DCLK2: variants seen among roughly 807,000 people sequenced by gnomAD.
DCLK2 encodes serine/threonine-protein kinase DCLK2.
A neutral mutation model predicts 78.4 loss-of-function variants in DCLK2; 31 were observed. That is an observed-to-expected ratio of 0.40 (90% CI 0.30 to 0.53). The LOEUF is 0.53. Ranked by LOEUF, DCLK2 falls within the 20% of genes least tolerant of loss-of-function variation. DCLK2 has a pLI of 0.61. For missense variants in DCLK2, 872 were observed against 973.7 expected (o/e 0.90, Z 1.39); for synonymous variants, 407 against 374.9 (o/e 1.09, Z -0.99).
intron 8 of DCLK2, among the ~76,000 whole-genome samples, chr4:150,226,294 C>G (rs1741602559): frequency 6.6e-6 from 1 of 151,012 alleles, no homozygotes; most frequent in Non-Finnish European, 1.5e-5. Flanking sequence ...GTGCAAAATG[C>G]CCCTTTTCCT....
intron 5 of DCLK2, among the ~76,000 whole-genome samples, chr4:150,211,276 A>G (rs1318136363): frequency 2.6e-5 from 4 of 152,174 alleles, no homozygotes; most frequent in Non-Finnish European, 4.4e-5. Flanking sequence ...GAGTTTCCTC[A>G]GAACACAGCA....
intron 2 of DCLK2, among the ~76,000 whole-genome samples, chr4:150,134,529 A>G (rs1733558468): frequency 6.6e-6 from 1 of 152,138 alleles, no homozygotes; most frequent in Admixed American, 6.5e-5. Flanking sequence ...GTTTATTTTT[A>G]TTTTTTATGT....
intron 2 of DCLK2, among the ~76,000 whole-genome samples, chr4:150,135,135 G>GA (rs148088570): frequency 4.9e-5 from 7 of 141,892 alleles, no homozygotes; most frequent in African/African-American, 1.6e-4. Flanking sequence ...TGGAGCAGTG[G>GA]AAAAAAAACA....
chr4:150,148,147 T>G (rs55652302), intron 2 of DCLK2, among the ~76,000 whole-genome samples: 42,863 of 152,002 alleles, frequency 0.28, 7,345 homozygotes, highest in South Asian at 0.51. Context: ...GTGGGTAGAT[T>G]GAGCTCCGTA....
intron 2 of DCLK2, among the ~76,000 whole-genome samples, chr4:150,108,793 G>C (rs1176178237): frequency 6.6e-6 from 1 of 152,076 alleles, no homozygotes; most frequent in Non-Finnish European, 1.5e-5. Context: ...AGAAACAGCA[G>C]AGTTTCAACA....
chr4:150,127,867 C>T (rs141582171), intron 2 of DCLK2, among the ~76,000 whole-genome samples: 1 of 152,302 alleles, frequency 6.6e-6, no homozygotes, highest in Non-Finnish European at 1.5e-5. Flanking sequence ...AGAACATTAG[C>T]CTCCACATTC....
chr4:150,102,681 A>C lies in DCLK2; in HGVS notation c.625A>C (p.Arg209=). Residue 209 remains arginine (R), a synonymous_variant, in exon 2 of 16, where the codon AGA becomes CGA. Transcript: ENST00000296550. ...TGTGATTCGAAGTGGAGTGAAGCCT[A>C]GAAAAGCCGTGCGGATCCTTCTGAA... ...VTVIRSGVKP[R]KAVRILLNKK... 1 of 1,614,116 alleles carries C rather than the reference A, an allele frequency of 6.2e-7. No homozygotes were observed. Among genetic ancestry groups the C allele is most frequent in the Non-Finnish European group, 8.5e-7 (1 of 1,179,988 alleles).
Position 150,159,836 on chromosome 4 carries a change from A to G in DCLK2, c.757-33302A>G, listed in dbSNP as rs575760786. On this transcript the variant is annotated intron_variant, in intron 2 of 15. Coordinates refer to ENST00000296550, the MANE Select transcript of DCLK2 (RefSeq NM_001040260.4). Reference sequence around the variant, plus strand: ...GGTGGTCGAGAGAACACGTTTTCATATGTTCCGCTTTGCTAGAACAGGAAT... The same window carrying G: ...GGTGGTCGAGAGAACACGTTTTCATGTGTTCCGCTTTGCTAGAACAGGAAT... Among the ~76,000 whole-genome samples, 69 of 152,252 alleles carry G rather than the reference A, an allele frequency of 4.5e-4. No individual in the cohort carries two copies. The South Asian group carries it at 7.7e-3, about 17-fold the overall frequency.
chr4:150,091,201 G>A (rs1216752531), intron 1 of DCLK2, among the ~76,000 whole-genome samples: 13 of 152,060 alleles, frequency 8.5e-5, no homozygotes, highest in Admixed American at 6.6e-5. Flanking sequence ...TAATCCACCC[G>A]GTCTCACACA....
At chr4:150,123,369 G>A (rs1399965602) in intron 2 of DCLK2, among the ~76,000 whole-genome samples, 2 of 152,150 alleles carry the variant, frequency 1.3e-5, no homozygotes, top group East Asian at 3.9e-4. Context: ...CAAGGAGAGG[G>A]AGAGAGATGA....
intron 15 of DCLK2, 39 bp downstream of exon 15, chr4:150,249,723 C>T (rs769028800): frequency 6.3e-5 from 98 of 1,559,460 alleles, no homozygotes; most frequent in African/African-American, 8.1e-5. Context: ...ACTGCGGAGC[C>T]GGCCTTGAAG....
At chr4:150,213,253 A>G (rs1740443829) in intron 5 of DCLK2, among the ~76,000 whole-genome samples, 1 of 152,218 alleles carries the variant, frequency 6.6e-6, no homozygotes, top group Non-Finnish European at 1.5e-5. Flanking sequence ...GTTTTAAGCC[A>G]TATTCATGTT....
At chr4:150,172,413 C>G (rs1474120213) in intron 2 of DCLK2, among the ~76,000 whole-genome samples, 1 of 151,662 alleles carries the variant, frequency 6.6e-6, no homozygotes, top group African/African-American at 2.4e-5. Context: ...ACCATCCTGG[C>G]TAACATGGCG....
intron 5 of DCLK2, among the ~76,000 whole-genome samples, chr4:150,218,938 G>C (rs551600689): frequency 1.3e-5 from 2 of 152,166 alleles, no homozygotes; most frequent in Admixed American, 6.5e-5. Context: ...AAATGGTGGT[G>C]CACGCCTGTA....
Position 150,256,383 on chromosome 4 carries a change from C to T in DCLK2, c.*136C>T. On this transcript the variant is annotated 3_prime_UTR_variant, in exon 16 of 16. Coordinates refer to ENST00000296550, the MANE Select transcript of DCLK2 (RefSeq NM_001040260.4). ...AGTTCGCGGGTCCTCCGCAGGCCGCCTGGGAACCGGAGCCTGGCGTGCCGG... is the reference window on the plus strand; with the variant it reads ...AGTTCGCGGGTCCTCCGCAGGCCGCTTGGGAACCGGAGCCTGGCGTGCCGG... The T allele has an allele frequency of 8.0e-7, 1 of 1,242,398 alleles. No homozygotes were observed. The allele number at this position is 1,242,398 out of a possible 1,614,324, so 77.0% of individuals were successfully genotyped here.
chr4:150,198,708 T>G (rs572490984), intron 4 of DCLK2, among the ~76,000 whole-genome samples: 39 of 152,324 alleles, frequency 2.6e-4, no homozygotes, highest in Admixed American at 1.7e-3. Context: ...TATATTGATT[T>G]TATGGGTTTG....
At chr4:150,136,084 T>A (rs932052344) in intron 2 of DCLK2, among the ~76,000 whole-genome samples, 2 of 152,118 alleles carry the variant, frequency 1.3e-5, no homozygotes, top group African/African-American at 4.8e-5. Context: ...TTGACCCCCT[T>A]AAATTGTGGA....
At position 150,134,174 on chromosome 4, in the gene DCLK2, A is replaced by G. The variant is rs997471504; in HGVS notation, c.756+31362A>G. 2.9e-5 allele frequency among the ~76,000 whole-genome samples: 4 copies of G among 137,290 alleles called. No individual in the cohort carries two copies. The South Asian group carries it at 9.0e-4, about 31-fold the overall frequency. 90.1% of individuals were successfully genotyped at this position (137,290 alleles called of 152,430 possible). ...CGGGTCACTGCAACCTCCACCTCCT[A>G]GGTTCAAGTGATTTTCCTGCCTCAG... On this transcript the variant is annotated intron_variant, in intron 2 of 15. Coordinates refer to ENST00000296550, the MANE Select transcript of DCLK2 (RefSeq NM_001040260.4).
intron 2 of DCLK2, among the ~76,000 whole-genome samples, chr4:150,110,406 C>T (rs536316739): frequency 3.3e-5 from 5 of 152,038 alleles, no homozygotes; most frequent in Non-Finnish European, 4.4e-5. Context: ...TAATAGCTAA[C>T]AGCTTAATTA....
Sources: gnomAD v4.1 joint callset for allele counts (sites outside exome capture counted in the v4.1 genomes callset) on GRCh38, gnomAD v4.1.1 for gene constraint, MANE v1.5 for transcripts, NCBI Gene and HGNC (gene_info 2026-07-23, HGNC 2026-07-21) for gene names.